Variants in AIMP1 observed in about 807,000 individuals in gnomAD.
The protein encoded by AIMP1 is aminoacyl tRNA synthase complex-interacting multifunctional protein 1.
In AIMP1, 24 loss-of-function variants were observed where a neutral mutation model predicts 33.1. That is an observed-to-expected ratio of 0.73 (90% CI 0.53 to 1.02). The LOEUF (loss-of-function observed/expected upper bound fraction) is 1.02. AIMP1 is among the 50% of genes least tolerant of loss of function. The pLI, the probability that AIMP1 is intolerant of heterozygous loss-of-function variation, is 0.00. For synonymous variants in AIMP1, 120 were observed against 121.5 expected (o/e 0.99, Z 0.08); for missense variants, 367 against 364.8 (o/e 1.01, Z -0.05).
chr4:106,316,233 T>A (rs1393460865), upstream of AIMP1: 1 of 278,418 alleles, frequency 3.6e-6, no homozygotes, highest in Non-Finnish European at 6.9e-6. Flanking sequence ...CCTGGCCTTT[T>A]CTTCCGCCCT....
intron 5 of AIMP1, among the ~76,000 whole-genome samples, chr4:106,334,929 A>G (rs879185977): frequency 3.9e-5 from 6 of 152,214 alleles, no homozygotes; most frequent in Admixed American, 3.9e-4. Context: ...TAACTGAGAA[A>G]GTCATGGGAG....
At chr4:106,316,478 T>G, upstream of AIMP1, 3 of 1,473,918 alleles carry the variant, frequency 2.0e-6, no homozygotes, top group South Asian at 3.6e-5. Flanking sequence ...TGTAGAACAC[T>G]CAGGCTTTCA....
At chr4:106,319,392 A>G (rs1179959578) in intron 1 of AIMP1, among the ~76,000 whole-genome samples, 5 of 152,172 alleles carry the variant, frequency 3.3e-5, no homozygotes, top group African/African-American at 1.2e-4. Context: ...ATTAAGATGT[A>G]CTATAAATTC....
Position 106,327,469 on chromosome 4 carries a change from G to C in AIMP1, c.128G>C (p.Arg43Thr). Reference sequence around the variant, plus strand: ...ATCCTAGTTTTGCAGGCAACTTTGAGGGAAGAGAAGAAACTTCGAGTTGAA... The same window carrying C: ...ATCCTAGTTTTGCAGGCAACTTTGACGGAAGAGAAGAAACTTCGAGTTGAA... ...KEKAILQATL[R>T]EEKKLRVENA... Residue 43 changes from arginine to threonine, a missense_variant, in exon 3 of 7, where the codon AGG (arginine) becomes ACG (threonine). Arg to Thr is a moderately conservative substitution (Grantham distance 71). Coordinates refer to ENST00000672341, the MANE Select transcript of AIMP1 (RefSeq NM_001142416.2). The C allele has an allele frequency of 1.2e-6, 2 of 1,612,266 alleles. No individual in the cohort carries two copies. Among genetic ancestry groups the C allele is most frequent in the East Asian group, 4.5e-5 (2 of 44,738 alleles).
intron 2 of AIMP1, 81 bp from the exon 3 acceptor site, chr4:106,327,370 T>C (rs1769491304): frequency 3.9e-6 from 4 of 1,028,372 alleles, no homozygotes; most frequent in African/African-American, 3.2e-5. Flanking sequence ...GCTGTAGTTA[T>C]ACTGGCTGTC....
At position 106,329,332 on chromosome 4, in the gene AIMP1, A is replaced by G. The variant is rs746614852; in HGVS notation, c.391+1089A>G. On this transcript the variant is annotated intron_variant, in intron 4 of 6. Transcript: ENST00000672341. ...GCAAATTTGGTGGAATCCATATTCT[A>G]TTCTCTAAGGAGGGTGCACTGTTCT... Among the ~76,000 whole-genome samples, 17 of 152,228 alleles carry G rather than the reference A, an allele frequency of 1.1e-4. No homozygotes were observed. The East Asian group carries it at 1.7e-3, about 16-fold the overall frequency.
chr4:106,331,785 C>G lies in AIMP1; in HGVS notation c.505C>G (p.Pro169Ala). The change falls in exon 5 of 7, where the codon CCT becomes GCT. Residue 169 changes from proline (P) to alanine (A), a missense_variant. Transcript: ENST00000672341. The part of the protein sequence containing the change: ...IGCIITARKH[P>A]DADSLYVEEV... ...TTGCATCATAACTGCTAGAAAACAC[C>G]CTGATGCAGATTCTTTGTATGTGGA... The G allele has an allele frequency of 1.9e-5, 31 of 1,613,994 alleles. No individual in the cohort carries two copies. The highest frequency in any genetic ancestry group is 2.6e-5 in the Non-Finnish European group (31 of 1,179,962).
At chr4:106,336,838 A>T in intron 5 of AIMP1, 31 bp from the exon 6 acceptor site, 1 of 1,604,054 alleles carries the variant, frequency 6.2e-7, no homozygotes, top group East Asian at 2.2e-5. Context: ...ATCTGTGTAC[A>T]TCTTTACTTA....
intron 1 of AIMP1, among the ~76,000 whole-genome samples, chr4:106,319,901 A>G (rs1769148754): frequency 6.6e-6 from 1 of 152,202 alleles, no homozygotes; most frequent in Non-Finnish European, 1.5e-5. Flanking sequence ...TAGAGCATTA[A>G]AAGAGCTAAC....
chr4:106,330,125 G>T (rs980177068), intron 4 of AIMP1, among the ~76,000 whole-genome samples: 5 of 152,066 alleles, frequency 3.3e-5, no homozygotes, highest in African/African-American at 1.2e-4. Flanking sequence ...ATTTGTCAGT[G>T]AAGGATTTCT....
chr4:106,343,938 C>A (rs1195925389), intron 6 of AIMP1, among the ~76,000 whole-genome samples: 2 of 152,100 alleles, frequency 1.3e-5, no homozygotes, highest in Non-Finnish European at 2.9e-5. Context: ...TATTAAAAAT[C>A]CAAATTGTCT....
chr4:106,341,046 A>G (rs1770079679), intron 6 of AIMP1, among the ~76,000 whole-genome samples: 1 of 152,176 alleles, frequency 6.6e-6, no homozygotes, highest in South Asian at 2.1e-4. Context: ...GGCGACATAT[A>G]TGTCTTCTGT....
Position 106,343,829 on chromosome 4 carries a change from A to T in AIMP1, c.773-3697A>T, listed in dbSNP as rs138929873. On this transcript the variant is annotated intron_variant, in intron 6 of 6. Coordinates refer to ENST00000672341, the MANE Select transcript of AIMP1 (RefSeq NM_001142416.2). ...AGTAGGAATTTACAGTCAGACTTTT[A>T]ATTTCCAAGATCATGCTTATTTCTA... Among the ~76,000 whole-genome samples, 119 of 152,336 alleles carry T rather than the reference A, an allele frequency of 7.8e-4. 1 individual carries two copies. Among genetic ancestry groups the T allele is most frequent in the Admixed American group, 3.8e-3 (58 of 15,302 alleles).
rs538104716 is a variant in AIMP1 at position 106,316,566 on chromosome 4, G to A, written c.-54G>A. On this transcript the variant is annotated 5_prime_UTR_variant, in exon 1 of 7. Coordinates refer to ENST00000672341, the MANE Select transcript of AIMP1 (RefSeq NM_001142416.2). The stretch of plus-strand genomic sequence containing the variant: ...GACCTACATGCTTCCTGCTGTGGCT[G>A]TCTCGGAACCCGTGGTCCTCCGCTT... 186 of 1,551,612 alleles carry A rather than the reference G, an allele frequency of 1.2e-4. 2 individuals are homozygous for A. In the South Asian group the frequency reaches 2.1e-3, roughly 17 times the overall value.
chr4:106,321,950 C>A (rs1428843412), intron 1 of AIMP1, among the ~76,000 whole-genome samples: 1 of 131,532 alleles, frequency 7.6e-6, no homozygotes, highest in Non-Finnish European at 1.7e-5. Flanking sequence ...GTTAAATGGC[C>A]CCTGCTCTCT....
intron 4 of AIMP1, among the ~76,000 whole-genome samples, chr4:106,331,091 C>G (rs1769656259): frequency 6.6e-6 from 1 of 152,136 alleles, no homozygotes; most frequent in Non-Finnish European, 1.5e-5. Context: ...TAATTATGTA[C>G]TTACTAGTGT....
At chr4:106,327,793 A>G (rs1477902681) in intron 3 of AIMP1, among the ~76,000 whole-genome samples, 1 of 152,170 alleles carries the variant, frequency 6.6e-6, no homozygotes, top group Non-Finnish European at 1.5e-5. Context: ...TGTTTGGGGC[A>G]TAGTAAGTTC....
intron 1 of AIMP1, among the ~76,000 whole-genome samples, chr4:106,323,850 A>C (rs922179050): frequency 6.6e-6 from 1 of 152,096 alleles, no homozygotes; most frequent in African/African-American, 2.4e-5. Flanking sequence ...ATTTTAGAAA[A>C]ATACATTTTG....
At chr4:106,319,575 T>C (rs1202686565) in intron 1 of AIMP1, among the ~76,000 whole-genome samples, 2 of 152,330 alleles carry the variant, frequency 1.3e-5, no homozygotes, top group East Asian at 3.9e-4. Flanking sequence ...ATTACCATTT[T>C]AATTTAGTAA....
Sources: gnomAD v4.1 joint callset for allele counts (sites outside exome capture counted in the v4.1 genomes callset) on GRCh38, gnomAD v4.1.1 for gene constraint, MANE v1.5 for transcripts, NCBI Gene and HGNC (gene_info 2026-07-23, HGNC 2026-07-21) for gene names.